The following FNBP1L variants were observed in gnomAD, a reference collection of about 807,000 sequenced individuals.
FNBP1L encodes the protein formin binding protein 1 like.
Under a neutral mutation model 91.2 loss-of-function variants are expected in FNBP1L, and 36 were observed. That is an observed-to-expected ratio of 0.39 (90% CI 0.30 to 0.52). FNBP1L has a LOEUF of 0.52. Ranked by LOEUF, FNBP1L falls within the 20% of genes least tolerant of loss-of-function variation. FNBP1L has a pLI of 0.66. For synonymous variants in FNBP1L, 242 were observed against 237.0 expected, an observed-to-expected ratio of 1.02 and a Z score of -0.19; for missense variants, 571 against 732.1, an observed-to-expected ratio of 0.78 and a Z score of 2.54.
chr1:93,508,267 T>G (rs1217628480), intron 2 of FNBP1L, among the ~76,000 whole-genome samples: 6 of 152,038 alleles, frequency 3.9e-5, no homozygotes, highest in African/African-American at 1.5e-4. Flanking sequence ...GGAGGATTGC[T>G]TGACCCAGGA....
chr1:93,518,226 G>C (rs755222157), intron 2 of FNBP1L, among the ~76,000 whole-genome samples: 9 of 152,058 alleles, frequency 5.9e-5, no homozygotes, highest in Non-Finnish European at 1.0e-4. Context: ...TCACGTAATA[G>C]AGTCATTTTA....
At chr1:93,527,672 T>C (rs542173250) in intron 5 of FNBP1L, among the ~76,000 whole-genome samples, 1 of 152,036 alleles carries the variant, frequency 6.6e-6, no homozygotes, top group African/African-American at 2.4e-5. Context: ...TAGAGGAAAA[T>C]ATCATAATCC....
chr1:93,462,112 A>G (rs1668887788), intron 1 of FNBP1L, among the ~76,000 whole-genome samples: 1 of 152,176 alleles, frequency 6.6e-6, no homozygotes, highest in South Asian at 2.1e-4. Flanking sequence ...GGGACTGAGG[A>G]AAGAGTCATG....
Position 93,501,390 on chromosome 1 carries a change from C to A in FNBP1L, c.140+1807C>A, listed in dbSNP as rs562189518. On this transcript the variant is annotated intron_variant, in intron 2 of 16. Coordinates refer to ENST00000271234, the MANE Select transcript of FNBP1L (RefSeq NM_001164473.3). ...CAGGCTGGTAAGTTCAAAGGCATGCCCCCGGCTTCTGGCACAGGGTTTTGA... is the reference window on the plus strand; with the variant it reads ...CAGGCTGGTAAGTTCAAAGGCATGCACCCGGCTTCTGGCACAGGGTTTTGA... 5.9e-5 allele frequency among the ~76,000 whole-genome samples: 9 copies of A among 152,088 alleles called. No homozygotes were observed. The East Asian group carries it at 1.5e-3, about 26-fold the overall frequency.
At chr1:93,541,499 A>G (rs2101768534) in intron 11 of FNBP1L, among the ~76,000 whole-genome samples, 1 of 140,824 alleles carries the variant, frequency 7.1e-6, no homozygotes, top group South Asian at 2.3e-4. Flanking sequence ...AACTAGTATC[A>G]TTATGGAGTT....
At chr1:93,493,920 A>G (rs899737233) in intron 1 of FNBP1L, among the ~76,000 whole-genome samples, 2 of 152,194 alleles carry the variant, frequency 1.3e-5, no homozygotes, top group African/African-American at 2.4e-5. Flanking sequence ...CACCAAACAC[A>G]TGAGTTTTTT....
In FNBP1L at chr1:93,547,459, A is replaced by T. The variant is rs377045154; in HGVS notation, c.1502+18A>T. On this transcript the variant is annotated intron_variant, in intron 14 of 16. Coordinates refer to ENST00000271234, the MANE Select transcript of FNBP1L (RefSeq NM_001164473.3). ...CGAGAAAGGTGATTTTTTGTATTTT[A>T]TTTGTATTTCTTCTCCCCAGAGTTT... is the stretch of plus-strand genomic sequence containing the variant. 9.5e-4 allele frequency: 1,465 copies of T among 1,538,942 alleles called. 1 individual carries two copies. The highest frequency in any genetic ancestry group is 1.2e-3 in the Non-Finnish European group (1,395 of 1,136,746).
intron 10 of FNBP1L, among the ~76,000 whole-genome samples, chr1:93,540,824 C>T (rs1278855635): frequency 1.4e-5 from 2 of 147,696 alleles, no homozygotes; most frequent in South Asian, 2.1e-4. Context: ...AAAATATCTG[C>T]CCATTATCAT....
intron 1 of FNBP1L, among the ~76,000 whole-genome samples, chr1:93,476,866 T>C (rs1002021884): frequency 6.6e-6 from 1 of 152,214 alleles, no homozygotes; most frequent in Non-Finnish European, 1.5e-5. Flanking sequence ...GTGACCACCA[T>C]TCACAGGACA....
chr1:93,468,031 C>CCA (rs1444427322), intron 1 of FNBP1L, among the ~76,000 whole-genome samples: 1 of 152,190 alleles, frequency 6.6e-6, no homozygotes, highest in Non-Finnish European at 1.5e-5. Flanking sequence ...TCCCGTGTAA[C>CCA]CACTGATCTT....
intron 1 of FNBP1L, 38 bp downstream of exon 1, chr1:93,448,343 C>A (rs1027802383): frequency 2.7e-6 from 4 of 1,480,276 alleles, no homozygotes; most frequent in African/African-American, 3.0e-5. Flanking sequence ...CGGACCCCGG[C>A]CCCTGAGAAG....
chr1:93,481,558 T>G (rs1669704930), intron 1 of FNBP1L, among the ~76,000 whole-genome samples: 1 of 152,204 alleles, frequency 6.6e-6, no homozygotes, highest in South Asian at 2.1e-4. Flanking sequence ...TACAAGCCTC[T>G]TACTAATTTA....
intron 12 of FNBP1L, among the ~76,000 whole-genome samples, chr1:93,544,719 AGT>A (rs1270782174): frequency 2.0e-5 from 3 of 152,304 alleles, no homozygotes; most frequent in African/African-American, 7.2e-5. Flanking sequence ...CGATCATTAA[AGT>A]GTTATTACAA....
chr1:93,540,261 T>G (rs1671993194), intron 10 of FNBP1L, among the ~76,000 whole-genome samples: 1 of 146,678 alleles, frequency 6.8e-6, no homozygotes, highest in African/African-American at 2.5e-5. Flanking sequence ...CTTCAGAATC[T>G]GTGTCATTTC....
At chr1:93,525,849 G>A (rs1671474879) in intron 5 of FNBP1L, among the ~76,000 whole-genome samples, 1 of 152,160 alleles carries the variant, frequency 6.6e-6, no homozygotes, top group African/African-American at 2.4e-5. Context: ...GTATGACATG[G>A]TTCTTGTTTT....
At chr1:93,551,224 A>C in intron 16 of FNBP1L, 119 bp downstream of exon 16, 1 of 1,390,498 alleles carries the variant, frequency 7.2e-7, no homozygotes. Context: ...CTTAAAGGGC[A>C]TCCAAGATTA....
intron 2 of FNBP1L, among the ~76,000 whole-genome samples, chr1:93,501,844 A>T (rs1670448476): frequency 6.6e-6 from 1 of 152,216 alleles, no homozygotes; most frequent in Non-Finnish European, 1.5e-5. Context: ...CAAAATGTTT[A>T]AAAAGTCTAA....
intron 12 of FNBP1L, among the ~76,000 whole-genome samples, chr1:93,544,658 G>C (rs1371532361): frequency 2.0e-5 from 3 of 151,974 alleles, no homozygotes; most frequent in Admixed American, 2.0e-4. Context: ...ATTTTTATAA[G>C]ACGTTTCCTC....
chr1:93,511,340 A>G (rs561529535), intron 2 of FNBP1L, among the ~76,000 whole-genome samples: 1 of 152,200 alleles, frequency 6.6e-6, no homozygotes, highest in Non-Finnish European at 1.5e-5. Context: ...CCAGAATTTC[A>G]TATCCAGCCA....
Sources: allele counts gnomAD v4.1 joint callset (sites outside exome capture counted in the v4.1 genomes callset), GRCh38; gene constraint gnomAD v4.1.1; transcripts MANE v1.5; gene names NCBI Gene and HGNC (gene_info 2026-07-23, HGNC 2026-07-21).